TIGIT: variants seen among roughly 807,000 people sequenced by gnomAD.
TIGIT encodes T-cell immunoreceptor with Ig and ITIM domains.
A neutral mutation model predicts 19.6 loss-of-function variants in TIGIT; 11 were observed. That is an observed-to-expected ratio of 0.56 (90% CI 0.35 to 0.93). TIGIT has a LOEUF of 0.93. Ranked by LOEUF, TIGIT falls within the 40% of genes least tolerant of loss-of-function variation. The probability of loss-of-function intolerance (pLI) is 0.01; values close to 1 mark genes in which losing one functional copy is unlikely to be tolerated. For synonymous variants in TIGIT, 130 were observed against 125.5 expected (o/e 1.04, Z -0.24); for missense variants, 295 against 303.9 (o/e 0.97, Z 0.22).
rs2078548025 is a variant in TIGIT, at chr3:114,308,086, T to G, written c.690T>G (p.Ser230Arg). The G allele has an allele frequency of 2.5e-6, 4 of 1,614,132 alleles. No individual in the cohort carries two copies. Among genetic ancestry groups the G allele is most frequent in the Non-Finnish European group, 3.4e-6 (4 of 1,180,028 alleles). Residue 230 changes from serine to arginine, a missense_variant, in exon 4 of 4, where the codon AGT (serine) becomes AGG (arginine). By Grantham distance (110) the Ser-to-Arg change is moderately radical. Transcript: ENST00000383671. ...TGCATGACTACTTCAATGTCCTGAG[T>G]TACAGAAGCCTGGGTAACTGCAGCT... ...AELHDYFNVL[S>R]YRSLGNCSFF... is the part of the protein sequence containing the mutation.
rs753612238 is a variant in TIGIT, at chr3:114,307,953, A to G, written c.557A>G (p.Gln186Arg). 1 of 1,614,170 alleles carries G rather than the reference A, an allele frequency of 6.2e-7. No homozygotes were observed. The highest frequency in any genetic ancestry group is 8.5e-7 in the Non-Finnish European group (1 of 1,180,034). ...GACCTCAGGAGAAAATCAGCTGGACAGGAGGAATGGAGCCCCAGTGCTCCC... is the reference window on the plus strand; with the variant it reads ...GACCTCAGGAGAAAATCAGCTGGACGGGAGGAATGGAGCCCCAGTGCTCCC... ...EGDLRRKSAGQEEWSPSAPSP... is the reference protein window; with the variant it reads ...EGDLRRKSAGREEWSPSAPSP... Residue 186 changes from glutamine (Q) to arginine (R), a missense_variant, in exon 4 of 4, where the codon CAG becomes CGG. Coordinates refer to ENST00000383671, the MANE Select transcript of TIGIT (RefSeq NM_173799.4).
chr3:114,301,127 T>C (rs1242290543), intron 3 of TIGIT, among the ~76,000 whole-genome samples: 1 of 152,230 alleles, frequency 6.6e-6, no homozygotes, highest in Non-Finnish European at 1.5e-5. Context: ...CTCCTTGTTT[T>C]GTCTGATCTC....
chr3:114,305,534 T>A (rs1332180564), intron 3 of TIGIT, among the ~76,000 whole-genome samples: 1 of 152,152 alleles, frequency 6.6e-6, no homozygotes, highest in Admixed American at 6.5e-5. Context: ...AAGCAAGAAT[T>A]GTACAGAGTC....
chr3:114,301,394 A>C (rs1262291083), intron 3 of TIGIT, among the ~76,000 whole-genome samples: 1 of 152,212 alleles, frequency 6.6e-6, no homozygotes, highest in Non-Finnish European at 1.5e-5. Context: ...TGTGTTGGCT[A>C]TCACAATAGA....
intron 1 of TIGIT, among the ~76,000 whole-genome samples, chr3:114,294,548 A>G (rs1254854552): frequency 6.6e-6 from 1 of 152,244 alleles, no homozygotes; most frequent in Non-Finnish European, 1.5e-5. Flanking sequence ...CAGAGGTTCT[A>G]CCACTAGAGA....
chr3:114,302,704 C>A (rs1362808928), intron 3 of TIGIT, among the ~76,000 whole-genome samples: 2 of 152,210 alleles, frequency 1.3e-5, no homozygotes, highest in East Asian at 3.8e-4. Flanking sequence ...GAGATGCCAC[C>A]AAACTTCTCA....
rs1257226731 is a variant in TIGIT, at chr3:114,310,045, G to T, written c.*1914G>T. On this transcript the variant is annotated 3_prime_UTR_variant, in exon 4 of 4. Transcript: ENST00000383671. Reference sequence around the variant, plus strand: ...GAGAACCAGAGAAGACCATTTCATAGTTGGATTCCTGGAGACATGCGCTAT... The same window carrying T: ...GAGAACCAGAGAAGACCATTTCATATTTGGATTCCTGGAGACATGCGCTAT... 2 of 152,154 alleles carry T rather than the reference G, an allele frequency of 1.3e-5. No homozygotes were observed. The highest frequency in any genetic ancestry group is 1.9e-4 in the East Asian group (1 of 5,194). 9.4% of individuals were successfully genotyped at this position (152,154 alleles called of 1,614,324 possible).
Position 114,303,609 on chromosome 3 carries a change from A to G in TIGIT, c.498+3906A>G, listed in dbSNP as rs954181251. On this transcript the variant is annotated intron_variant, in intron 3 of 3. Transcript: ENST00000383671. ...TATACATATATATGTATATATATATATACATATATATGTATATATATACAC... is the reference window on the plus strand; with the variant it reads ...TATACATATATATGTATATATATATGTACATATATATGTATATATATACAC... 4.7e-4 allele frequency among the ~76,000 whole-genome samples: 31 copies of G among 65,464 alleles called. 2 individuals carry two copies. Among genetic ancestry groups the G allele is most frequent in the Admixed American group, 2.3e-3 (12 of 5,218 alleles). The allele number at this position is 65,464 out of a possible 152,430, so 42.9% of individuals were successfully genotyped here.
intron 3 of TIGIT, 67 bp from the exon 4 acceptor site, chr3:114,307,828 G>A: frequency 1.4e-6 from 2 of 1,402,762 alleles, no homozygotes; most frequent in Admixed American, 1.7e-5. Flanking sequence ...AGAGAGAGAT[G>A]TCATATTGGG....
Position 114,294,060 on chromosome 3 carries a change from GCAT to G in TIGIT, c.-1_2del, listed in dbSNP as rs1354253776. 1.9e-6 allele frequency: 3 copies of G among 1,552,312 alleles called. No individual in the cohort carries two copies. ...CTTCCTGTAGGCCCTCTGGGCAGAA[GCAT>G]GCGCTGGTGTCTCCTCCTGATCTGG... is the stretch of plus-strand genomic sequence containing the variant. On this transcript the variant is annotated start_lost and 5_prime_UTR_variant, in exon 1 of 4. Transcript: ENST00000383671.
chr3:114,304,084 G>A (rs2078515021), intron 3 of TIGIT, among the ~76,000 whole-genome samples: 1 of 151,708 alleles, frequency 6.6e-6, no homozygotes, highest in Non-Finnish European at 1.5e-5. Context: ...TATGTCCTTA[G>A]CCCACTTTTT....
Position 114,295,783 on chromosome 3 carries a change from G to T in TIGIT, c.300G>T (p.Val100=). 1 of 1,614,194 alleles carries T rather than the reference G, an allele frequency of 6.2e-7. No individual in the cohort carries two copies. Among genetic ancestry groups the T allele is most frequent in the Non-Finnish European group, 8.5e-7 (1 of 1,180,032 alleles). The change falls in exon 2 of 4, where the codon GTG becomes GTT. Residue 100 remains valine, a synonymous_variant. Transcript: ENST00000383671. ...GCCTCACCCTCCAGTCGCTGACCGT[G>T]AACGATACAGGGGAGTACTTCTGCA... The part of the protein sequence containing the change: ...GLGLTLQSLT[V]NDTGEYFCIY...
At chr3:114,297,175 G>A (rs2078459153) in intron 2 of TIGIT, among the ~76,000 whole-genome samples, 1 of 152,106 alleles carries the variant, frequency 6.6e-6, no homozygotes, top group Non-Finnish European at 1.5e-5. Context: ...CTTCTTAACT[G>A]ATTTCACATA....
chr3:114,308,218 CGT>C lies in TIGIT; in HGVS notation c.*104_*105del, dbSNP rs35641088. On this transcript the variant is annotated 3_prime_UTR_variant, in exon 4 of 4. Coordinates refer to ENST00000383671, the MANE Select transcript of TIGIT (RefSeq NM_173799.4). The stretch of plus-strand genomic sequence containing the variant: ...GCAGCTGTACTCTCCATCAGTGCTG[CGT>C]GTGTGTGTGTGTGTGTATGTGTGTG... The C allele has an allele frequency of 0.018, 14,227 of 772,914 alleles. No individual in the cohort carries two copies. Among genetic ancestry groups the C allele is most frequent in the East Asian group, 0.056 (1,844 of 33,192 alleles). The allele number at this position is 772,914 out of a possible 1,614,324, so 47.9% of individuals were successfully genotyped here.
At chr3:114,297,282 A>G (rs2078459909) in intron 2 of TIGIT, among the ~76,000 whole-genome samples, 1 of 152,108 alleles carries the variant, frequency 6.6e-6, no homozygotes, top group African/African-American at 2.4e-5. Flanking sequence ...TAAATTATGT[A>G]CTTTTTTTCT....
rs978254220 is a variant in TIGIT at position 114,294,217 on chromosome 3, A to G, written c.61+95A>G. 4 of 916,908 alleles carry G rather than the reference A, an allele frequency of 4.4e-6. No individual in the cohort carries two copies. The African/African-American group carries it at 5.1e-5, about 12-fold the overall frequency. The allele number at this position is 916,908 out of a possible 1,614,324, so 56.8% of individuals were successfully genotyped here. A position where few individuals can be genotyped will look rare whatever the true frequency, so the allele number is the denominator to read the frequency against. On this transcript the variant is annotated intron_variant, in intron 1 of 3. Coordinates refer to ENST00000383671, the MANE Select transcript of TIGIT (RefSeq NM_173799.4). ...CTTGTGTAGGGAAGACTCCAAGAGC[A>G]TGCCACAGCTGCTTGAGAGAAAGAA...
chr3:114,302,467 T>C (rs2078498703), intron 3 of TIGIT, among the ~76,000 whole-genome samples: 1 of 152,230 alleles, frequency 6.6e-6, no homozygotes, highest in Non-Finnish European at 1.5e-5. Flanking sequence ...GCAATACCCT[T>C]CTTGGCTGCC....
rs191131339 is a variant in TIGIT, at chr3:114,298,970, A to G, written c.392-627A>G. Among the ~76,000 whole-genome samples, 469 of 152,258 alleles carry G rather than the reference A, an allele frequency of 3.1e-3. 9 individuals are homozygous for G. The highest frequency in any genetic ancestry group is 0.028 in the Admixed American group (429 of 15,290). The stretch of plus-strand genomic sequence containing the variant: ...CCTGCATCTTCTTGCTTCCACTTAC[A>G]TGTTATCTCTTAATGAAATGCACTA... On this transcript the variant is annotated intron_variant, in intron 2 of 3. Coordinates refer to ENST00000383671, the MANE Select transcript of TIGIT (RefSeq NM_173799.4).
At position 114,308,088 on chromosome 3, in the gene TIGIT, AC is replaced by A; in HGVS notation, c.693del (p.Tyr231Ter). ...ELHDYFNVLS[Y>X]RSLGNCSFFT... ...CATGACTACTTCAATGTCCTGAGTTACAGAAGCCTGGGTAACTGCAGCTTCT... is the reference window on the plus strand; with the variant it reads ...CATGACTACTTCAATGTCCTGAGTTAAGAAGCCTGGGTAACTGCAGCTTCT... On this transcript the variant is annotated frameshift_variant, in exon 4 of 4. Transcript: ENST00000383671. LOFTEE classifies it high-confidence loss of function. 1 of 1,614,202 alleles carries A rather than the reference AC, an allele frequency of 6.2e-7. No homozygotes were observed.
Sources: allele counts gnomAD v4.1 joint callset (sites outside exome capture counted in the v4.1 genomes callset), GRCh38; gene constraint gnomAD v4.1.1; transcripts MANE v1.5; gene names NCBI Gene and HGNC (gene_info 2026-07-23, HGNC 2026-07-21).